The following CYB5A variants were observed in gnomAD, a reference collection of about 807,000 sequenced individuals.
The protein encoded by CYB5A is cytochrome b5.
Under a neutral mutation model 16.2 loss-of-function variants are expected in CYB5A, and 10 were observed. That is an observed-to-expected ratio of 0.62 (90% CI 0.38 to 1.04). CYB5A has a LOEUF of 1.04. Among genes scored for constraint, CYB5A ranks in the 50% least tolerant of loss-of-function variants. CYB5A has a pLI of 0.01. For missense variants in CYB5A, 161 were observed against 165.9 expected (o/e 0.97, Z 0.16); for synonymous variants, 62 against 57.0 (o/e 1.09, Z -0.40).
intron 1 of CYB5A, among the ~76,000 whole-genome samples, chr18:74,287,561 A>T (rs1179830851): frequency 6.6e-6 from 1 of 152,220 alleles, no homozygotes; most frequent in African/African-American, 2.4e-5. Flanking sequence ...AGCTTCTATG[A>T]GGCAGAATGC....
chr18:74,285,013 C>T (rs988883329), intron 1 of CYB5A, among the ~76,000 whole-genome samples: 1 of 152,162 alleles, frequency 6.6e-6, no homozygotes, highest in Admixed American at 6.5e-5. Context: ...TACCCAGTTA[C>T]TATATACACT....
rs34615416 is a variant in CYB5A, at chr18:74,264,952, GAA to G, written c.130-1477_130-1476del. Among the ~76,000 whole-genome samples, 9 of 150,770 alleles carry G rather than the reference GAA, an allele frequency of 6.0e-5. No homozygotes were observed. In the South Asian group the frequency reaches 8.4e-4, roughly 14 times the overall value. On this transcript the variant is annotated intron_variant, in intron 1 of 4. Transcript: ENST00000340533. ...GCATCCTAAATACGTACTTTTGTAG[GAA>G]AAAAAAAAACTTCTTTAACTGAGCT...
At chr18:74,281,716 T>C (rs945354385) in intron 1 of CYB5A, among the ~76,000 whole-genome samples, 1 of 146,374 alleles carries the variant, frequency 6.8e-6, no homozygotes, top group African/African-American at 2.6e-5. Context: ...GAGGAAATCC[T>C]GGAGGGGGCA....
intron 2 of CYB5A, chr18:74,261,249 G>T: frequency 2.7e-6 from 1 of 373,782 alleles, no homozygotes; most frequent in Non-Finnish European, 5.1e-6. Context: ...GTAATTCAGG[G>T]AGGAGCTGAA....
At chr18:74,269,624 T>C (rs1365258029) in intron 1 of CYB5A, among the ~76,000 whole-genome samples, 1 of 152,156 alleles carries the variant, frequency 6.6e-6, no homozygotes, top group Admixed American at 6.5e-5. Flanking sequence ...CTTTCATTCA[T>C]GGGAAATGCT....
chr18:74,276,280 C>T (rs1175183041), intron 1 of CYB5A, among the ~76,000 whole-genome samples: 2 of 152,074 alleles, frequency 1.3e-5, no homozygotes, highest in Non-Finnish European at 2.9e-5. Flanking sequence ...GGAGGTGGGA[C>T]GGGAACCCTG....
chr18:74,291,896 G>T lies in CYB5A; in HGVS notation c.-21C>A, dbSNP rs770210317. The T allele has an allele frequency of 2.5e-6, 4 of 1,608,814 alleles. No homozygotes were observed. The highest frequency in any genetic ancestry group is 1.1e-5 in the South Asian group (1 of 90,962). On this transcript the variant is annotated 5_prime_UTR_variant, in exon 1 of 5. Coordinates refer to ENST00000340533, the MANE Select transcript of CYB5A (RefSeq NM_148923.4). The stretch of plus-strand genomic sequence containing the variant: ...GCCATCTCGGTTCGCCGCGAGCCAG[G>T]CCCAGCACACACAGCCCCGTCGGGT...
intron 1 of CYB5A, among the ~76,000 whole-genome samples, chr18:74,274,730 A>G (rs555253347): frequency 7.9e-5 from 12 of 152,348 alleles, no homozygotes; most frequent in Non-Finnish European, 1.3e-4. Flanking sequence ...TATTCTTCAA[A>G]TAACTAGGTC....
intron 2 of CYB5A, among the ~76,000 whole-genome samples, chr18:74,261,905 C>T (rs912423411): frequency 1.3e-5 from 2 of 152,100 alleles, no homozygotes; most frequent in Admixed American, 6.5e-5. Context: ...GTCTTTGTCC[C>T]CTTCTGGCGG....
chr18:74,254,742 G>A (rs879336561), intron 4 of CYB5A, among the ~76,000 whole-genome samples: 28 of 151,854 alleles, frequency 1.8e-4, no homozygotes, highest in Non-Finnish European at 3.8e-4. Flanking sequence ...GGATGGTCTC[G>A]ATCTCCTGAC....
chr18:74,276,511 G>A lies in CYB5A; in HGVS notation c.130-13034C>T, dbSNP rs142624654. 1.5e-4 allele frequency among the ~76,000 whole-genome samples: 22 copies of A among 143,576 alleles called. No individual in the cohort carries two copies. The East Asian group carries it at 3.6e-3, about 23-fold the overall frequency. The allele number at this position is 143,576 out of a possible 152,430, so 94.2% of individuals were successfully genotyped here. A position where few individuals can be genotyped will look rare whatever the true frequency, so the allele number is the denominator to read the frequency against. On this transcript the variant is annotated intron_variant, in intron 1 of 4. Transcript: ENST00000340533. The stretch of plus-strand genomic sequence containing the variant: ...TCTGCCCTGCCTTTCTGGGTCTTAC[G>A]AAGTACAAAAGATTCAGCACACACA...
intron 1 of CYB5A, 68 bp downstream of exon 1, chr18:74,291,679 G>A (rs944635331): frequency 6.2e-7 from 1 of 1,608,258 alleles, no homozygotes; most frequent in Non-Finnish European, 8.5e-7. Flanking sequence ...CGAAAGACAG[G>A]TCATGCCAGT....
intron 1 of CYB5A, among the ~76,000 whole-genome samples, chr18:74,267,313 C>A (rs996194995): frequency 3.9e-5 from 6 of 152,174 alleles, no homozygotes; most frequent in Non-Finnish European, 8.8e-5. Context: ...CCTGCCACCA[C>A]ACCCGGCTAA....
At chr18:74,254,950 C>T in intron 4 of CYB5A, among the ~76,000 whole-genome samples, 1 of 152,164 alleles carries the variant, frequency 6.6e-6, no homozygotes, top group Admixed American at 6.5e-5. Flanking sequence ...ATAGGGACTA[C>T]AAGTATAATC....
intron 1 of CYB5A, among the ~76,000 whole-genome samples, chr18:74,270,791 G>A (rs1039279673): frequency 1.1e-4 from 16 of 152,106 alleles, no homozygotes; most frequent in Non-Finnish European, 1.9e-4. Context: ...GAGCACCTTC[G>A]GGGTTTGGTA....
chr18:74,275,317 T>C (rs985968060), intron 1 of CYB5A, among the ~76,000 whole-genome samples: 2 of 152,186 alleles, frequency 1.3e-5, no homozygotes, highest in African/African-American at 4.8e-5. Context: ...GGTTAAACTC[T>C]GGCTCATGGA....
At chr18:74,270,804 G>A (rs1017259194) in intron 1 of CYB5A, among the ~76,000 whole-genome samples, 2 of 152,140 alleles carry the variant, frequency 1.3e-5, no homozygotes, top group Non-Finnish European at 2.9e-5. Context: ...GTTTGGTATC[G>A]AGGGAGGTCC....
rs1981782797 is a variant in CYB5A, at chr18:74,251,774, A to C, written c.*1810T>G. ...CTCCTTTACTCCACATGTTGTTCCC[A>C]AAACACATGAAGAAACATTGCCAGC... is the stretch of plus-strand genomic sequence containing the variant. On this transcript the variant is annotated 3_prime_UTR_variant, in exon 5 of 5. Coordinates refer to ENST00000340533, the MANE Select transcript of CYB5A (RefSeq NM_148923.4). 6.6e-6 allele frequency: 1 copy of C among 152,230 alleles called. No homozygotes were observed. Among genetic ancestry groups the C allele is most frequent in the African/African-American group, 2.4e-5 (1 of 41,462 alleles). 9.4% of individuals were successfully genotyped at this position (152,230 alleles called of 1,614,324 possible).
At chr18:74,264,712 C>T (rs532353397) in intron 1 of CYB5A, among the ~76,000 whole-genome samples, 6 of 152,210 alleles carry the variant, frequency 3.9e-5, no homozygotes, top group African/African-American at 1.4e-4. Flanking sequence ...TGGGGAGAGG[C>T]GGGAAGAGCC....
Sources: gnomAD v4.1 joint callset for allele counts (sites outside exome capture counted in the v4.1 genomes callset) on GRCh38, gnomAD v4.1.1 for gene constraint, MANE v1.5 for transcripts, NCBI Gene and HGNC (gene_info 2026-07-23, HGNC 2026-07-21) for gene names.